SUPT6H: variants seen among roughly 807,000 people sequenced by gnomAD.
SUPT6H encodes the protein transcription elongation factor SPT6.
A neutral mutation model predicts 222.3 loss-of-function variants in SUPT6H; 11 were observed. That is an observed-to-expected ratio of 0.05 (90% confidence interval 0.03 to 0.08). The LOEUF is 0.08. SUPT6H is among the 10% of genes least tolerant of loss of function. The pLI, the probability that SUPT6H is intolerant of heterozygous loss-of-function variation, is 1.00. For synonymous variants in SUPT6H, 762 were observed against 801.2 expected, an observed-to-expected ratio of 0.95 and a Z score of 0.83; for missense variants, 1,422 against 2,216.0, an observed-to-expected ratio of 0.64 and a Z score of 7.19.
chr17:28,690,007 C>T, intron 25 of SUPT6H, 75 bp from the exon 26 acceptor site: 1 of 1,535,350 alleles, frequency 6.5e-7, no homozygotes, highest in Non-Finnish European at 8.8e-7. Flanking sequence ...GAGAGGCCCG[C>T]CCCTTCCACG....
At chr17:28,681,123 A>G (rs2031080849) in intron 11 of SUPT6H, 133 bp from the exon 12 acceptor site, 7 of 877,188 alleles carry the variant, frequency 8.0e-6, no homozygotes, top group Non-Finnish European at 1.1e-5. Flanking sequence ...AATAGTAATA[A>G]TAATTGGAAA....
intron 11 of SUPT6H, among the ~76,000 whole-genome samples, chr17:28,679,534 G>A (rs372570763): frequency 1.3e-5 from 2 of 152,158 alleles, no homozygotes; most frequent in African/African-American, 4.8e-5. Flanking sequence ...GAGTGAAAGA[G>A]CAAGATCCGG....
intron 11 of SUPT6H, among the ~76,000 whole-genome samples, chr17:28,679,240 G>A (rs1470067121): frequency 2.6e-5 from 4 of 152,162 alleles, no homozygotes; most frequent in Non-Finnish European, 2.9e-5. Context: ...GGGAGCAGTG[G>A]CACACGCCTG....
At chr17:28,690,897 C>G (rs774776385) in intron 26 of SUPT6H, 24 bp from the exon 27 acceptor site, 68 of 1,609,172 alleles carry the variant, frequency 4.2e-5, no homozygotes, top group Non-Finnish European at 5.7e-5. Flanking sequence ...GAGCCTGCTC[C>G]CCATCCTCTT....
At position 28,684,574 on chromosome 17, in the gene SUPT6H, C is replaced by G; in HGVS notation, c.2230-12C>G. 1 of 1,614,036 alleles carries G rather than the reference C, an allele frequency of 6.2e-7. No homozygotes were observed. Among genetic ancestry groups the G allele is most frequent in the Non-Finnish European group, 8.5e-7 (1 of 1,179,994 alleles). ...ATCATGTATGTAATACCTGTTGTGT[C>G]TCTTCCCTCAGGCCTGTAGTCGAAA... is the stretch of plus-strand genomic sequence containing the variant. On this transcript the variant is annotated splice_polypyrimidine_tract_variant and intron_variant, in intron 17 of 36. Transcript: ENST00000314616.
chr17:28,677,878 G>A, intron 8 of SUPT6H, 62 bp downstream of exon 8: 1 of 1,478,322 alleles, frequency 6.8e-7, no homozygotes, highest in South Asian at 1.1e-5. Context: ...AAGATGGGGA[G>A]CTCTTCCTCC....
intron 7 of SUPT6H, 70 bp downstream of exon 7, chr17:28,676,500 A>G: frequency 6.3e-7 from 1 of 1,599,950 alleles, no homozygotes; most frequent in Non-Finnish European, 8.5e-7. Context: ...TATTCTAGCA[A>G]AAGTCTGGCA....
At chr17:28,665,240 C>G (rs2029944422) in intron 1 of SUPT6H, among the ~76,000 whole-genome samples, 1 of 152,220 alleles carries the variant, frequency 6.6e-6, no homozygotes, top group Admixed American at 6.5e-5. Context: ...CCCACTTTCT[C>G]TACTGGAACC....
intron 16 of SUPT6H, 51 bp from the exon 17 acceptor site, chr17:28,683,570 G>C: frequency 6.3e-7 from 1 of 1,596,288 alleles, no homozygotes; most frequent in Non-Finnish European, 8.6e-7. Flanking sequence ...ATGGACATTG[G>C]GTGTCACCTT....
At chr17:28,699,220 T>C (rs1196657687) in intron 32 of SUPT6H, among the ~76,000 whole-genome samples, 1 of 152,208 alleles carries the variant, frequency 6.6e-6, no homozygotes, top group Non-Finnish European at 1.5e-5. Context: ...AGTGCTGTGG[T>C]CCTCACTGGA....
Position 28,702,104 on chromosome 17 carries a change from G to T in SUPT6H, c.*479G>T, listed in dbSNP as rs1321105581. Reference sequence around the variant, plus strand: ...TTTCTGACCCTGATGCCAACAGCCGGGTGGCTGTCCAAGCAGGATTGCAGG... The same window carrying T: ...TTTCTGACCCTGATGCCAACAGCCGTGTGGCTGTCCAAGCAGGATTGCAGG... On this transcript the variant is annotated 3_prime_UTR_variant, in exon 37 of 37. Coordinates refer to ENST00000314616, the MANE Select transcript of SUPT6H (RefSeq NM_003170.5). The T allele has an allele frequency of 6.4e-6, 1 of 155,504 alleles. No homozygotes were observed. Among genetic ancestry groups the T allele is most frequent in the Non-Finnish European group, 1.4e-5 (1 of 69,926 alleles). 9.6% of individuals were successfully genotyped at this position (155,504 alleles called of 1,614,324 possible). A position where few individuals can be genotyped will look rare whatever the true frequency, so the allele number is the denominator to read the frequency against.
chr17:28,675,616 A>G, intron 6 of SUPT6H, 131 bp downstream of exon 6: 1 of 868,918 alleles, frequency 1.2e-6, no homozygotes, highest in Non-Finnish European at 1.8e-6. Flanking sequence ...TGCCTCAAAT[A>G]ACCTCTACCA....
chr17:28,702,376 T>G lies in SUPT6H; in HGVS notation c.*751T>G, dbSNP rs1448496705. ...TCATAGACTAGAGGCAGCTTCTACA[T>G]CAGACTGCCTGGGGCACATCCCTGC... On this transcript the variant is annotated 3_prime_UTR_variant, in exon 37 of 37. Coordinates refer to ENST00000314616, the MANE Select transcript of SUPT6H (RefSeq NM_003170.5). 1 of 152,576 alleles carries G rather than the reference T, an allele frequency of 6.6e-6. No homozygotes were observed. The highest frequency in any genetic ancestry group is 1.5e-5 in the Non-Finnish European group (1 of 68,060). The allele number at this position is 152,576 out of a possible 1,614,324, so 9.5% of individuals were successfully genotyped here.
chr17:28,695,168 C>T (rs2031842560), intron 28 of SUPT6H, 184 bp from the exon 29 acceptor site: 2 of 613,178 alleles, frequency 3.3e-6, no homozygotes, highest in East Asian at 2.8e-5. Flanking sequence ...AGGGCTTGGC[C>T]TGTAGTCTAC....
rs753417275 is a variant in SUPT6H, at chr17:28,681,892, C to T, written c.1509C>T (p.Asp503=). The change falls in exon 13 of 37, where the codon GAC becomes GAT. Residue 503 remains aspartate (D), a synonymous_variant. Coordinates refer to ENST00000314616, the MANE Select transcript of SUPT6H (RefSeq NM_003170.5). The part of the protein sequence containing the change: ...REEGDEEGEG[D]EAEDEEQRGP... ...ATGTTTTCTTCCCAGGTGAAGGTGA[C>T]GAGGCAGAAGATGAGGAGCAGAGGG... 2.0e-5 allele frequency: 32 copies of T among 1,608,224 alleles called. No homozygotes were observed. The South Asian group carries it at 2.6e-4, about 13-fold the overall frequency.
At chr17:28,675,533 C>T in intron 6 of SUPT6H, 48 bp downstream of exon 6, 2 of 1,600,302 alleles carry the variant, frequency 1.2e-6, no homozygotes, top group Non-Finnish European at 1.7e-6. Flanking sequence ...TGAGTGGGCC[C>T]AGTCAGGAAG....
chr17:28,701,743 T>G lies in SUPT6H; in HGVS notation c.*118T>G. ...AAGTGGCGTGAAGTGAGACGTTCTC[T>G]TTGGTGGTCAACCCGGATGGGTGAC... is the stretch of plus-strand genomic sequence containing the variant. On this transcript the variant is annotated 3_prime_UTR_variant, in exon 37 of 37. Coordinates refer to ENST00000314616, the MANE Select transcript of SUPT6H (RefSeq NM_003170.5). The G allele has an allele frequency of 2.6e-6, 3 of 1,139,554 alleles. No individual in the cohort carries two copies. Among genetic ancestry groups the G allele is most frequent in the Non-Finnish European group, 3.7e-6 (3 of 816,234 alleles). 70.6% of individuals were successfully genotyped at this position (1,139,554 alleles called of 1,614,324 possible).
chr17:28,697,474 C>T (rs1046295276), intron 30 of SUPT6H, 146 bp from the exon 31 acceptor site: 37 of 658,190 alleles, frequency 5.6e-5, no homozygotes, highest in Non-Finnish European at 7.8e-5. Flanking sequence ...GCTAATATAT[C>T]TGGACATGAC....
In SUPT6H at chr17:28,680,617, A is replaced by G. The variant is rs368462567; in HGVS notation, c.1350-639A>G. Among the ~76,000 whole-genome samples the G allele has an allele frequency of 2.0e-5, 3 of 151,986 alleles. No homozygotes were observed. In the East Asian group the frequency reaches 5.8e-4, roughly 29 times the overall value. ...TCTCAAAAAAATAAATAAATACGAT[A>G]TGTTCTAGGGCTATCATGTGTCTTG... On this transcript the variant is annotated intron_variant, in intron 11 of 36. Transcript: ENST00000314616.
Sources: gnomAD v4.1 joint callset for allele counts (sites outside exome capture counted in the v4.1 genomes callset) on GRCh38, gnomAD v4.1.1 for gene constraint, MANE v1.5 for transcripts, NCBI Gene and HGNC (gene_info 2026-07-23, HGNC 2026-07-21) for gene names.